Variants in TGS1 observed in about 807,000 individuals in gnomAD.
TGS1 encodes trimethylguanosine synthase.
In TGS1, 69 loss-of-function variants were observed where a neutral mutation model predicts 92.2. That is an observed-to-expected ratio of 0.75 (90% confidence interval 0.62 to 0.91). The LOEUF is 0.91. Ranked by LOEUF, TGS1 falls within the 40% of genes least tolerant of loss-of-function variation. The pLI, the probability that TGS1 is intolerant of heterozygous loss-of-function variation, is 0.00. For synonymous variants in TGS1, 345 were observed against 338.1 expected, an observed-to-expected ratio of 1.02 and a Z score of -0.22; for missense variants, 1,062 against 1,001.2, an observed-to-expected ratio of 1.06 and a Z score of -0.82.
chr8:55,783,737 C>T (rs968270233), intron 2 of TGS1, among the ~76,000 whole-genome samples: 3 of 152,186 alleles, frequency 2.0e-5, no homozygotes, highest in African/African-American at 7.2e-5. Context: ...AGTACAGTGT[C>T]ATAGTTACCT....
rs1212417955 is a variant in TGS1, at chr8:55,801,582, C to CTTTTTTT, written c.1850-857_1850-851dup. Among the ~76,000 whole-genome samples the CTTTTTTT allele has an allele frequency of 7.9e-4, 38 of 48,214 alleles. 2 individuals carry two copies. The highest frequency in any genetic ancestry group is 9.3e-4 in the Non-Finnish European group (27 of 29,138). The allele number at this position is 48,214 out of a possible 152,430, so 31.6% of individuals were successfully genotyped here. On this transcript the variant is annotated intron_variant, in intron 8 of 12. Transcript: ENST00000260129. Reference sequence around the variant, plus strand: ...AACCACTGCGCCCAGCCCCATCGTTCTTTTTTTTTTTTTTTTTTTTTTTTG... The same window carrying CTTTTTTT: ...AACCACTGCGCCCAGCCCCATCGTTCTTTTTTTTTTTTTTTTTTTTTTTTTTTTTTTG...
At chr8:55,819,101 C>T (rs1489121934) in intron 12 of TGS1, among the ~76,000 whole-genome samples, 2 of 152,200 alleles carry the variant, frequency 1.3e-5, no homozygotes, top group African/African-American at 2.4e-5. Flanking sequence ...GCCACCATGC[C>T]TGGCTAATTT....
intron 4 of TGS1, among the ~76,000 whole-genome samples, chr8:55,787,440 CAT>C (rs1341008709): frequency 6.6e-6 from 1 of 152,006 alleles, no homozygotes; most frequent in Non-Finnish European, 1.5e-5. Flanking sequence ...TCTTATGAGT[CAT>C]ATGTGGAATT....
At chr8:55,788,629 T>A (rs1811787314) in intron 4 of TGS1, among the ~76,000 whole-genome samples, 1 of 151,900 alleles carries the variant, frequency 6.6e-6, no homozygotes. Context: ...TTAATTTTTT[T>A]ATTTTTTTAT....
intron 7 of TGS1, among the ~76,000 whole-genome samples, chr8:55,797,396 C>T (rs1383690446): frequency 6.6e-6 from 1 of 152,156 alleles, no homozygotes; most frequent in Non-Finnish European, 1.5e-5. Context: ...ATTATGGGAA[C>T]TATGATTCAA....
intron 12 of TGS1, among the ~76,000 whole-genome samples, chr8:55,821,944 G>C (rs1259026555): frequency 1.3e-5 from 2 of 150,842 alleles, no homozygotes; most frequent in South Asian, 4.2e-4. Flanking sequence ...CTTCAGAAAT[G>C]GTTTTTCTTT....
At chr8:55,819,649 G>A (rs1295695563) in intron 12 of TGS1, among the ~76,000 whole-genome samples, 1 of 151,828 alleles carries the variant, frequency 6.6e-6, no homozygotes, top group African/African-American at 2.4e-5. Context: ...TGATGATGGT[G>A]GCTTTAAGAT....
chr8:55,817,057 G>A (rs969095848), intron 12 of TGS1, among the ~76,000 whole-genome samples: 2 of 151,996 alleles, frequency 1.3e-5, no homozygotes, highest in Non-Finnish European at 2.9e-5. Context: ...TAGAGACAGG[G>A]TTTCACCACG....
intron 1 of TGS1, among the ~76,000 whole-genome samples, chr8:55,777,916 T>A (rs76511665): frequency 3.6e-5 from 5 of 138,966 alleles, no homozygotes; most frequent in East Asian, 2.1e-4. Flanking sequence ...TTTTTTTTTT[T>A]AATTTAAGCC....
intron 10 of TGS1, 79 bp downstream of exon 10, chr8:55,805,115 T>A: frequency 9.1e-7 from 1 of 1,099,710 alleles, no homozygotes; most frequent in Non-Finnish European, 1.3e-6. Context: ...ACAGCCTATC[T>A]TACTGAGATT....
Position 55,826,039 on chromosome 8 carries a change from A to T in TGS1, c.*1336A>T, listed in dbSNP as rs1008236564. The stretch of plus-strand genomic sequence containing the variant: ...CTAATTTTTTATATTTTTAGTAGCT[A>T]TGGGGTTTCACCGTGTTAGCCAGGA... On this transcript the variant is annotated 3_prime_UTR_variant, in exon 13 of 13. Transcript: ENST00000260129. Among the ~76,000 whole-genome samples, 1 of 151,660 alleles carries T rather than the reference A, an allele frequency of 6.6e-6. No homozygotes were observed. The highest frequency in any genetic ancestry group is 2.4e-5 in the African/African-American group (1 of 41,178).
At chr8:55,812,265 C>T (rs749680667) in intron 11 of TGS1, among the ~76,000 whole-genome samples, 4 of 151,974 alleles carry the variant, frequency 2.6e-5, no homozygotes, top group East Asian at 1.9e-4. Flanking sequence ...TGCTGGGTCA[C>T]GCCTGTACTC....
chr8:55,778,522 A>T (rs937490097), intron 1 of TGS1, among the ~76,000 whole-genome samples: 1 of 152,206 alleles, frequency 6.6e-6, no homozygotes, highest in African/African-American at 2.4e-5. Context: ...TTTCCCTCTG[A>T]TCATACTCAT....
Position 55,798,946 on chromosome 8 carries a change from A to G in TGS1, c.1575A>G (p.Pro525=). ...AATTCCTCACATGGGTTAATAAACC[A>G]ATGGATGAAGAAGCATCACAGGAAT... The part of the protein sequence containing the change: ...VEKFLTWVNK[P]MDEEASQESS... Residue 525 remains proline, a synonymous_variant, in exon 8 of 13, where the codon CCA becomes CCG. Transcript: ENST00000260129. 1.2e-6 allele frequency: 2 copies of G among 1,610,966 alleles called. No homozygotes were observed. The highest frequency in any genetic ancestry group is 1.7e-6 in the Non-Finnish European group (2 of 1,179,150).
chr8:55,806,271 G>T (rs1261942367), intron 10 of TGS1, among the ~76,000 whole-genome samples: 2 of 145,618 alleles, frequency 1.4e-5, no homozygotes, highest in Non-Finnish European at 3.0e-5. Flanking sequence ...CAAGAGAATC[G>T]CATGAACCCG....
At position 55,793,761 on chromosome 8, in the gene TGS1, TATTTA is replaced by T. The variant is rs1226037539; in HGVS notation, c.1367+978_1367+982del. On this transcript the variant is annotated intron_variant, in intron 6 of 12. Coordinates refer to ENST00000260129, the MANE Select transcript of TGS1 (RefSeq NM_024831.8). ...TTATTTATTTATTTATTTATTTATTTATTTATTTATTTATTTTTTAATTTTTTATT... is the reference window on the plus strand; with the variant it reads ...TTATTTATTTATTTATTTATTTATTTTTTATTTATTTTTTAATTTTTTATT... 1.8e-3 allele frequency among the ~76,000 whole-genome samples: 269 copies of T among 148,796 alleles called. 2 individuals carry two copies. Among genetic ancestry groups the T allele is most frequent in the African/African-American group, 6.6e-3 (260 of 39,500 alleles).
At chr8:55,807,225 G>A (rs1475195011) in intron 10 of TGS1, among the ~76,000 whole-genome samples, 2 of 152,074 alleles carry the variant, frequency 1.3e-5, no homozygotes, top group African/African-American at 4.8e-5. Context: ...ACCACGCCCG[G>A]CCATTTAACC....
chr8:55,792,821 C>T, intron 6 of TGS1, 37 bp downstream of exon 6: 1 of 1,422,650 alleles, frequency 7.0e-7, no homozygotes. Flanking sequence ...TCCAGAAGTC[C>T]TAACCACTTC....
At chr8:55,777,899 TA>T (rs745552429) in intron 1 of TGS1, among the ~76,000 whole-genome samples, 16 of 50,392 alleles carry the variant, frequency 3.2e-4, no homozygotes, top group East Asian at 7.9e-4. Flanking sequence ...CAGAATAATT[TA>T]AATTTTTTTT....
Sources: allele counts gnomAD v4.1 joint callset (sites outside exome capture counted in the v4.1 genomes callset), GRCh38; gene constraint gnomAD v4.1.1; transcripts MANE v1.5; gene names NCBI Gene and HGNC (gene_info 2026-07-23, HGNC 2026-07-21).